Variants in NCOA1 observed in about 807,000 individuals in gnomAD.
NCOA1 encodes the protein Hin-2 protein.
In NCOA1, 35 loss-of-function variants were observed where a neutral mutation model predicts 150.9. The observed-to-expected ratio is 0.23, with a 90% CI of 0.18 to 0.31. The LOEUF (loss-of-function observed/expected upper bound fraction) is 0.31, where lower values mean the gene tolerates loss of function less well. Among genes scored for constraint, NCOA1 ranks in the 10% least tolerant of loss-of-function variants. The probability of loss-of-function intolerance (pLI) is 1.00; values close to 1 mark genes in which losing one functional copy is unlikely to be tolerated. For missense variants in NCOA1, 1,491 were observed against 1,749.3 expected (o/e 0.85, Z 2.63); for synonymous variants, 590 against 630.0 (o/e 0.94, Z 0.95).
chr2:24,691,347 G>C, intron 8 of NCOA1, 134 bp from the exon 9 acceptor site: 2 of 731,486 alleles, frequency 2.7e-6, no homozygotes, highest in South Asian at 3.7e-5. Context: ...GATAATGTTA[G>C]ATCTGAAGAG....
intron 1 of NCOA1, among the ~76,000 whole-genome samples, chr2:24,502,373 T>A (rs1246958963): frequency 6.6e-6 from 1 of 152,212 alleles, no homozygotes; most frequent in Non-Finnish European, 1.5e-5. Flanking sequence ...CAGGCTTAAT[T>A]ATTCTTTTTT....
At chr2:24,740,625 G>A (rs1482171820) in intron 18 of NCOA1, among the ~76,000 whole-genome samples, 1 of 152,184 alleles carries the variant, frequency 6.6e-6, no homozygotes, top group Non-Finnish European at 1.5e-5. Context: ...TCACATGACT[G>A]TATTGACTGA....
intron 1 of NCOA1, among the ~76,000 whole-genome samples, chr2:24,538,146 A>G (rs1010616273): frequency 6.6e-6 from 1 of 152,172 alleles, no homozygotes; most frequent in African/African-American, 2.4e-5. Context: ...CAAGTGTTAT[A>G]TATGTGTATG....
At chr2:24,568,311 A>G (rs535035490) in intron 2 of NCOA1, among the ~76,000 whole-genome samples, 1 of 152,306 alleles carries the variant, frequency 6.6e-6, no homozygotes, top group African/African-American at 2.4e-5. Context: ...TACAGTTTAC[A>G]TTAAGTTGAA....
chr2:24,649,108 T>A (rs543556826), intron 4 of NCOA1, among the ~76,000 whole-genome samples: 7 of 152,164 alleles, frequency 4.6e-5, no homozygotes, highest in Non-Finnish European at 8.8e-5. Flanking sequence ...TTTATTTTTT[T>A]AAAAAGAGAC....
intron 21 of NCOA1, 49 bp from the exon 22 acceptor site, chr2:24,762,638 C>T: frequency 6.5e-7 from 1 of 1,534,934 alleles, no homozygotes; most frequent in Non-Finnish European, 9.0e-7. Context: ...ATTTGGTTTT[C>T]AGTTTAAACA....
chr2:24,748,280 G>A (rs950306670), intron 19 of NCOA1, among the ~76,000 whole-genome samples: 4 of 151,766 alleles, frequency 2.6e-5, no homozygotes, highest in African/African-American at 9.7e-5. Flanking sequence ...TCTAAAGTTA[G>A]GTCAACTTCC....
intron 19 of NCOA1, among the ~76,000 whole-genome samples, chr2:24,746,459 T>C (rs548550110): frequency 3.9e-4 from 59 of 152,246 alleles, no homozygotes; most frequent in African/African-American, 1.4e-3. Flanking sequence ...GGAGAATTGC[T>C]TGAACCCAGG....
chr2:24,762,114 T>G (rs1664820330), intron 21 of NCOA1, among the ~76,000 whole-genome samples: 1 of 152,242 alleles, frequency 6.6e-6, no homozygotes, highest in African/African-American at 2.4e-5. Context: ...TGGATTCCCT[T>G]TGTCCATGAT....
chr2:24,647,123 G>GT (rs1670512929), intron 4 of NCOA1, among the ~76,000 whole-genome samples: 1 of 152,086 alleles, frequency 6.6e-6, no homozygotes, highest in Non-Finnish European at 1.5e-5. Context: ...ATACTACCTA[G>GT]TTTTTAGATG....
At chr2:24,604,342 C>T (rs1346475396) in intron 3 of NCOA1, among the ~76,000 whole-genome samples, 1 of 152,198 alleles carries the variant, frequency 6.6e-6, no homozygotes, top group Non-Finnish European at 1.5e-5. Context: ...AGCCTGTCCT[C>T]TGAAGCTTTG....
intron 2 of NCOA1, among the ~76,000 whole-genome samples, chr2:24,573,080 C>T (rs1282645083): frequency 6.6e-6 from 1 of 152,062 alleles, no homozygotes; most frequent in Admixed American, 6.5e-5. Flanking sequence ...CTTTTGTTAT[C>T]AGTTACTTGG....
chr2:24,552,032 A>G (rs1001008886), intron 1 of NCOA1, among the ~76,000 whole-genome samples: 3 of 152,024 alleles, frequency 2.0e-5, no homozygotes, highest in African/African-American at 7.2e-5. Context: ...CAGAATCACA[A>G]TGTCTTAATT....
At chr2:24,682,448 C>G (rs975390670) in intron 7 of NCOA1, among the ~76,000 whole-genome samples, 1 of 152,116 alleles carries the variant, frequency 6.6e-6, no homozygotes, top group African/African-American at 2.4e-5. Flanking sequence ...ATATTATATG[C>G]CCCGTAGGAC....
rs149812981 is a variant in NCOA1 at position 24,769,311 on chromosome 2, T to C, written c.*920T>C. The C allele has an allele frequency of 4.0e-3, 758 of 188,720 alleles. 6 individuals carry two copies. The highest frequency in any genetic ancestry group is 0.016 in the African/African-American group (695 of 42,978). The allele number at this position is 188,720 out of a possible 1,614,324, so 11.7% of individuals were successfully genotyped here. A position where few individuals can be genotyped will look rare whatever the true frequency, so the allele number is the denominator to read the frequency against. ...TGATTTCTTGTAGAAATTGATTTCC[T>C]TCTGTTTAATTTTATGCTTTTATTA... On this transcript the variant is annotated 3_prime_UTR_variant, in exon 23 of 23. Transcript: ENST00000348332.
chr2:24,567,960 T>C (rs1460494322), intron 2 of NCOA1, among the ~76,000 whole-genome samples: 2 of 152,132 alleles, frequency 1.3e-5, no homozygotes, highest in African/African-American at 4.8e-5. Context: ...GCCAGGCTGG[T>C]CTTGAACTCC....
chr2:24,752,503 A>T (rs1014408897), intron 20 of NCOA1, among the ~76,000 whole-genome samples: 1 of 152,220 alleles, frequency 6.6e-6, no homozygotes, highest in South Asian at 2.1e-4. Flanking sequence ...AGTCACTTCT[A>T]AGGCAAATTT....
chr2:24,520,029 A>G (rs1015057443), intron 1 of NCOA1, among the ~76,000 whole-genome samples: 3 of 152,210 alleles, frequency 2.0e-5, no homozygotes, highest in Admixed American at 6.5e-5. Context: ...AACATAATTA[A>G]TCATTACAGA....
chr2:24,503,517 T>C (rs2148079979), intron 1 of NCOA1, among the ~76,000 whole-genome samples: 1 of 152,330 alleles, frequency 6.6e-6, no homozygotes, highest in East Asian at 1.9e-4. Flanking sequence ...CACCATAAAG[T>C]AGTTATATTT....
Sources: gnomAD v4.1 joint callset for allele counts (sites outside exome capture counted in the v4.1 genomes callset) on GRCh38, gnomAD v4.1.1 for gene constraint, MANE v1.5 for transcripts, NCBI Gene and HGNC (gene_info 2026-07-23, HGNC 2026-07-21) for gene names.